Variants in TMEM192 observed in about 807,000 individuals in gnomAD.
TMEM192 encodes the protein transmembrane protein 192.
TMEM192 carries 20 observed loss-of-function variants against 26.7 expected under a neutral mutation model. The observed-to-expected ratio is 0.75, with a 90% CI of 0.53 to 1.09. The LOEUF is 1.09. TMEM192 is among the 50% of genes least tolerant of loss of function. The probability of loss-of-function intolerance (pLI) is 0.00; values close to 1 mark genes in which losing one functional copy is unlikely to be tolerated. For synonymous variants in TMEM192, 124 were observed against 121.0 expected (o/e 1.02, Z -0.16); for missense variants, 304 against 322.6 (o/e 0.94, Z 0.44).
At position 165,094,155 on chromosome 4, in the gene TMEM192, C is replaced by T. The variant is rs548351667; in HGVS notation, c.440-5553G>A. The stretch of plus-strand genomic sequence containing the variant: ...ACCTCAGGTGATCTGCCCGCCTTGG[C>T]CTCCCAAAGTGCTGGGATTACAGGC... On this transcript the variant is annotated intron_variant, in intron 3 of 5. Coordinates refer to ENST00000306480, the MANE Select transcript of TMEM192 (RefSeq NM_001100389.2). Among the ~76,000 whole-genome samples, 4 of 152,260 alleles carry T rather than the reference C, an allele frequency of 2.6e-5. No homozygotes were observed. The East Asian group carries it at 5.8e-4, about 22-fold the overall frequency.
chr4:165,100,159 GTTC>G (rs1735004740), intron 3 of TMEM192, among the ~76,000 whole-genome samples: 1 of 129,078 alleles, frequency 7.7e-6, no homozygotes, highest in Non-Finnish European at 1.6e-5. Flanking sequence ...CATAATAAAA[GTTC>G]TTTTTTTTTT....
At chr4:165,083,916 G>A (rs1459038440) in intron 5 of TMEM192, among the ~76,000 whole-genome samples, 1 of 139,382 alleles carries the variant, frequency 7.2e-6, no homozygotes, top group African/African-American at 2.6e-5. Flanking sequence ...CCGCCTCACA[G>A]GTTCAAGCGA....
rs202015298 is a variant in TMEM192, at chr4:165,081,550, A to AT, written c.678-1755dup. ...AAGCGCCCATCATCACGCCCGGCTA[A>AT]TTTTTTTTTTTTTGTATTTTTCAGT... On this transcript the variant is annotated intron_variant, in intron 5 of 5. Coordinates refer to ENST00000306480, the MANE Select transcript of TMEM192 (RefSeq NM_001100389.2). Among the ~76,000 whole-genome samples, 25 of 33,502 alleles carry AT rather than the reference A, an allele frequency of 7.5e-4. 7 individuals carry two copies. The highest frequency in any genetic ancestry group is 2.9e-3 in the South Asian group (2 of 700). 22.0% of individuals were successfully genotyped at this position (33,502 alleles called of 152,430 possible).
chr4:165,075,679 C>T lies in TMEM192; in HGVS notation c.*3979G>A. Reference sequence around the variant, plus strand: ...CCACCTGCTGGGTTCAAGCAATTCTCCTGCCTTAGCCTCCAGAGTAGCTGG... The same window carrying T: ...CCACCTGCTGGGTTCAAGCAATTCTTCTGCCTTAGCCTCCAGAGTAGCTGG... On this transcript the variant is annotated 3_prime_UTR_variant, in exon 6 of 6. Coordinates refer to ENST00000306480, the MANE Select transcript of TMEM192 (RefSeq NM_001100389.2). 1 of 149,596 alleles carries T rather than the reference C, an allele frequency of 6.7e-6. No homozygotes were observed. Among genetic ancestry groups the T allele is most frequent in the East Asian group, 2.1e-4 (1 of 4,816 alleles). 9.3% of individuals were successfully genotyped at this position (149,596 alleles called of 1,614,324 possible).
rs1020742531 is a variant in TMEM192 at position 165,074,778 on chromosome 4, C to T, written c.*4880G>A. On this transcript the variant is annotated 3_prime_UTR_variant, in exon 6 of 6. Transcript: ENST00000306480. ...ATTTTTAGTAGAAATGGGGTTTCTC[C>T]ATGTTGGTCAGGCTGGTCTCGAACT... 1.3e-5 allele frequency: 2 copies of T among 152,008 alleles called. No individual in the cohort carries two copies. Among genetic ancestry groups the T allele is most frequent in the African/African-American group, 4.8e-5 (2 of 41,350 alleles). 9.4% of individuals were successfully genotyped at this position (152,008 alleles called of 1,614,324 possible). A position where few individuals can be genotyped will look rare whatever the true frequency, so the allele number is the denominator to read the frequency against.
intron 3 of TMEM192, among the ~76,000 whole-genome samples, chr4:165,090,697 G>A (rs1734737671): frequency 6.6e-6 from 1 of 152,012 alleles, no homozygotes; most frequent in Non-Finnish European, 1.5e-5. Context: ...TTGAGGTCAG[G>A]AGTTCGAGAG....
intron 3 of TMEM192, among the ~76,000 whole-genome samples, chr4:165,090,255 C>T (rs955824422): frequency 6.8e-6 from 1 of 147,082 alleles, no homozygotes; most frequent in Non-Finnish European, 1.5e-5. Context: ...TGGCAGGACA[C>T]GCCTGTAGTC....
At position 165,112,788 on chromosome 4, in the gene TMEM192, G is replaced by A. The variant is rs779837164; in HGVS notation, c.-15C>T. 16 of 1,606,348 alleles carry A rather than the reference G, an allele frequency of 1.0e-5. No homozygotes were observed. The highest frequency in any genetic ancestry group is 1.4e-5 in the Non-Finnish European group (16 of 1,178,846). ...CCCGCCGCCATTTCCCGACGCCGGAGGCCGAAGCCCTGGCCAGCCCGGCCT... is the reference window on the plus strand; with the variant it reads ...CCCGCCGCCATTTCCCGACGCCGGAAGCCGAAGCCCTGGCCAGCCCGGCCT... On this transcript the variant is annotated 5_prime_UTR_variant, in exon 1 of 6. Transcript: ENST00000306480.
At chr4:165,103,764 C>T (rs959445391) in intron 1 of TMEM192, among the ~76,000 whole-genome samples, 2 of 151,840 alleles carry the variant, frequency 1.3e-5, no homozygotes, top group Admixed American at 6.6e-5. Flanking sequence ...TCAGGTGATC[C>T]GCCTGCCTCG....
rs565759412 is a variant in TMEM192 at position 165,101,063 on chromosome 4, A to G, written c.175-171T>C. Among the ~76,000 whole-genome samples, 18 of 130,016 alleles carry G rather than the reference A, an allele frequency of 1.4e-4. No homozygotes were observed. In the East Asian group the frequency reaches 3.1e-3, roughly 23 times the overall value. 85.3% of individuals were successfully genotyped at this position (130,016 alleles called of 152,430 possible). A position where few individuals can be genotyped will look rare whatever the true frequency, so the allele number is the denominator to read the frequency against. ...GCAATCTCGGCTTACTGCAAGCTCC[A>G]CCTCCCGGGTTCACGCCATTCTCCT... On this transcript the variant is annotated intron_variant, in intron 2 of 5. Coordinates refer to ENST00000306480, the MANE Select transcript of TMEM192 (RefSeq NM_001100389.2).
chr4:165,094,199 C>G (rs1444579703), intron 3 of TMEM192, among the ~76,000 whole-genome samples: 3 of 152,112 alleles, frequency 2.0e-5, no homozygotes, highest in Non-Finnish European at 4.4e-5. Context: ...CAGCACCTGG[C>G]CTAATTTTCG....
intron 1 of TMEM192, among the ~76,000 whole-genome samples, chr4:165,108,331 C>G (rs569715666): frequency 3.9e-5 from 6 of 152,048 alleles, no homozygotes; most frequent in African/African-American, 1.4e-4. Context: ...CCATGTTAAC[C>G]AGGATGGTCT....
intron 1 of TMEM192, among the ~76,000 whole-genome samples, chr4:165,110,734 C>T (rs534592621): frequency 6.6e-6 from 1 of 152,324 alleles, no homozygotes; most frequent in South Asian, 2.1e-4. Flanking sequence ...ATGATTTAGG[C>T]AGATTCATTC....
intron 1 of TMEM192, among the ~76,000 whole-genome samples, chr4:165,105,356 A>T (rs550127160): frequency 1.3e-5 from 2 of 152,298 alleles, no homozygotes; most frequent in African/African-American, 4.8e-5. Flanking sequence ...CATACGGGGG[A>T]TCAACTGTGA....
chr4:165,074,119 C>CCCCG lies in TMEM192; in HGVS notation c.*5538_*5539insCGGG, dbSNP rs398083718. 1 of 151,128 alleles carries CCCCG rather than the reference C, an allele frequency of 6.6e-6. No homozygotes were observed. Among genetic ancestry groups the CCCCG allele is most frequent in the Middle Eastern group, 3.5e-3 (1 of 288 alleles). 9.4% of individuals were successfully genotyped at this position (151,128 alleles called of 1,614,324 possible). ...CACAGGTGTGGAGGGGCAGACCCCC[C>CCCCG]CTCAATCAACTGAGCCAAGTGTTGC... On this transcript the variant is annotated 3_prime_UTR_variant, in exon 6 of 6. Transcript: ENST00000306480.
At chr4:165,097,569 C>CTTT (rs574785092) in intron 3 of TMEM192, among the ~76,000 whole-genome samples, 2 of 107,992 alleles carry the variant, frequency 1.9e-5, no homozygotes, top group African/African-American at 7.7e-5. Flanking sequence ...TCTGTGGAGC[C>CTTT]TTTTTTTTTT....
In TMEM192 at chr4:165,077,918, G is replaced by A. The variant is rs1734426188; in HGVS notation, c.*1740C>T. 1 of 151,454 alleles carries A rather than the reference G, an allele frequency of 6.6e-6. No individual in the cohort carries two copies. Among genetic ancestry groups the A allele is most frequent in the Non-Finnish European group, 1.5e-5 (1 of 67,920 alleles). The allele number at this position is 151,454 out of a possible 1,614,324, so 9.4% of individuals were successfully genotyped here. Reference sequence around the variant, plus strand: ...CTTTAGTTTGTGAATGTTGTGTGCAGGTGACACACGATCTTTTTTTTTTTT... The same window carrying A: ...CTTTAGTTTGTGAATGTTGTGTGCAAGTGACACACGATCTTTTTTTTTTTT... On this transcript the variant is annotated 3_prime_UTR_variant, in exon 6 of 6. Transcript: ENST00000306480.
intron 3 of TMEM192, among the ~76,000 whole-genome samples, chr4:165,091,599 C>T (rs1369818872): frequency 6.6e-6 from 1 of 152,072 alleles, no homozygotes; most frequent in African/African-American, 2.4e-5. Context: ...AGGGCATACC[C>T]ACACACAAAA....
chr4:165,108,111 CCTTTTTT>C (rs1293717154), intron 1 of TMEM192, among the ~76,000 whole-genome samples: 1 of 116,384 alleles, frequency 8.6e-6, no homozygotes. Flanking sequence ...TTCTGTATTC[CCTTTTTT>C]TTTTTTTTTT....
Sources: allele counts gnomAD v4.1 joint callset (sites outside exome capture counted in the v4.1 genomes callset), GRCh38; gene constraint gnomAD v4.1.1; transcripts MANE v1.5; gene names NCBI Gene and HGNC (gene_info 2026-07-23, HGNC 2026-07-21).